CBLB: variants seen among roughly 807,000 people sequenced by gnomAD.
CBLB encodes the protein E3 ubiquitin-protein ligase CBL-B.
CBLB carries 31 observed loss-of-function variants against 104.9 expected under a neutral mutation model. The ratio of observed to expected loss-of-function variants is 0.30; its 90% confidence interval spans 0.22 to 0.40. CBLB has a LOEUF of 0.40. Among genes scored for constraint, CBLB ranks in the 10% least tolerant of loss-of-function variants. The probability of loss-of-function intolerance (pLI) is 1.00; values close to 1 mark genes in which losing one functional copy is unlikely to be tolerated. For missense variants in CBLB, 1,062 were observed against 1,214.6 expected, an observed-to-expected ratio of 0.87 and a Z score of 1.87; for synonymous variants, 440 against 422.6, an observed-to-expected ratio of 1.04 and a Z score of -0.51.
chr3:105,755,190 C>CT (rs1432590914), intron 4 of CBLB, among the ~76,000 whole-genome samples: 1 of 152,098 alleles, frequency 6.6e-6, no homozygotes, highest in East Asian at 1.9e-4. Flanking sequence ...CCCCTGACCC[C>CT]ACCACAGTCC....
At chr3:105,699,708 T>C (rs962407233) in intron 12 of CBLB, among the ~76,000 whole-genome samples, 1 of 152,178 alleles carries the variant, frequency 6.6e-6, no homozygotes, top group Non-Finnish European at 1.5e-5. Flanking sequence ...ATGAAGTGAA[T>C]CATTTTTCCT....
chr3:105,675,291 CCCTTTTATTTA>C (rs1364963192), intron 17 of CBLB, among the ~76,000 whole-genome samples: 1 of 152,136 alleles, frequency 6.6e-6, no homozygotes, highest in African/African-American at 2.4e-5. Flanking sequence ...ATTTTGCAGT[CCCTTTTATTTA>C]CCTTTTATAA....
intron 2 of CBLB, among the ~76,000 whole-genome samples, chr3:105,862,184 A>C (rs552081445): frequency 3.7e-4 from 57 of 152,290 alleles, no homozygotes; most frequent in African/African-American, 1.2e-3. Flanking sequence ...TATAGCTTGA[A>C]ATGCTATCTC....
chr3:105,847,747 A>G (rs1434092060), intron 3 of CBLB, among the ~76,000 whole-genome samples: 4 of 152,094 alleles, frequency 2.6e-5, no homozygotes, highest in Non-Finnish European at 4.4e-5. Flanking sequence ...TAAAAAACAC[A>G]GTGGCCAACA....
intron 4 of CBLB, among the ~76,000 whole-genome samples, chr3:105,761,561 C>T (rs2152930848): frequency 6.6e-6 from 1 of 152,300 alleles, no homozygotes; most frequent in Non-Finnish European, 1.5e-5. Context: ...ATTTTCTCTT[C>T]TCTGCTGCCA....
chr3:105,667,961 A>G (rs1308316241), intron 18 of CBLB, among the ~76,000 whole-genome samples: 1 of 152,216 alleles, frequency 6.6e-6, no homozygotes, highest in Admixed American at 6.5e-5. Context: ...GAATGGAAAG[A>G]CCTCATCTAG....
At chr3:105,797,939 G>A (rs2082416044) in intron 3 of CBLB, among the ~76,000 whole-genome samples, 1 of 152,142 alleles carries the variant, frequency 6.6e-6, no homozygotes, top group Non-Finnish European at 1.5e-5. Flanking sequence ...AGTTTCCCCT[G>A]GTTTTACCCA....
At chr3:105,865,182 TAAGAA>T (rs2092353458) in intron 2 of CBLB, among the ~76,000 whole-genome samples, 1 of 152,050 alleles carries the variant, frequency 6.6e-6, no homozygotes, top group African/African-American at 2.4e-5. Context: ...CACTAACAAA[TAAGAA>T]AAGATAAACA....
chr3:105,780,164 T>TAA (rs112915751), intron 3 of CBLB, among the ~76,000 whole-genome samples: 2 of 143,724 alleles, frequency 1.4e-5, no homozygotes, highest in African/African-American at 2.6e-5. Flanking sequence ...AATACCCATT[T>TAA]AAAAAAAAAA....
chr3:105,869,132 A>C, upstream of CBLB: 3 of 775,512 alleles, frequency 3.9e-6, no homozygotes, highest in Non-Finnish European at 5.3e-6. Flanking sequence ...GGTGCAGCCA[A>C]TGGACGGGAG....
chr3:105,708,398 A>G (rs2070540005), intron 10 of CBLB, among the ~76,000 whole-genome samples: 1 of 152,126 alleles, frequency 6.6e-6, no homozygotes, highest in African/African-American at 2.4e-5. Flanking sequence ...AGTATAAAAC[A>G]TCTTGGGTAG....
At chr3:105,703,577 T>C (rs1278345450) in intron 11 of CBLB, among the ~76,000 whole-genome samples, 2 of 149,298 alleles carry the variant, frequency 1.3e-5, no homozygotes, top group Non-Finnish European at 1.5e-5. Flanking sequence ...GAAACAAGGG[T>C]GATAATTTGT....
intron 3 of CBLB, among the ~76,000 whole-genome samples, chr3:105,849,477 G>C (rs2090681982): frequency 6.6e-6 from 1 of 152,088 alleles, no homozygotes; most frequent in African/African-American, 2.4e-5. Context: ...ACCTCATTGT[G>C]AATAGTCAGC....
At chr3:105,744,145 T>G (rs780991380) in intron 6 of CBLB, among the ~76,000 whole-genome samples, 1 of 152,202 alleles carries the variant, frequency 6.6e-6, no homozygotes, top group Non-Finnish European at 1.5e-5. Flanking sequence ...TTCTCAATAT[T>G]GTAATTCATG....
intron 4 of CBLB, among the ~76,000 whole-genome samples, chr3:105,758,829 G>A (rs963815273): frequency 2.0e-5 from 3 of 152,234 alleles, no homozygotes; most frequent in Non-Finnish European, 4.4e-5. Context: ...AAAGCTTGGA[G>A]ACTCCAGAAA....
At chr3:105,773,040 C>G (rs1038417653) in intron 4 of CBLB, among the ~76,000 whole-genome samples, 2 of 152,248 alleles carry the variant, frequency 1.3e-5, no homozygotes, top group Middle Eastern at 6.8e-3. Context: ...TGCCAGATAC[C>G]TGGTCAAAGG....
chr3:105,756,062 A>G (rs949621449), intron 4 of CBLB, among the ~76,000 whole-genome samples: 1 of 152,212 alleles, frequency 6.6e-6, no homozygotes, highest in African/African-American at 2.4e-5. Flanking sequence ...TTTCAAAAAT[A>G]TATTTTCTGT....
chr3:105,868,566 G>A, intron 1 of CBLB, 170 bp downstream of exon 1: 1 of 367,382 alleles, frequency 2.7e-6, no homozygotes, highest in East Asian at 5.9e-5. Flanking sequence ...CCTCCTCCCC[G>A]GCCTGCGGGT....
At chr3:105,855,172 A>T (rs909099277) in intron 2 of CBLB, among the ~76,000 whole-genome samples, 11 of 152,196 alleles carry the variant, frequency 7.2e-5, no homozygotes, top group African/African-American at 2.7e-4. Context: ...TTAATATATG[A>T]TCTCATTTTC....
Sources: gnomAD v4.1 joint callset for allele counts (sites outside exome capture counted in the v4.1 genomes callset) on GRCh38, gnomAD v4.1.1 for gene constraint, MANE v1.5 for transcripts, NCBI Gene and HGNC (gene_info 2026-07-23, HGNC 2026-07-21) for gene names.